Variants in TSHZ3 observed in about 807,000 individuals in gnomAD.
TSHZ3 encodes teashirt zinc finger homeobox 3.
Under a neutral mutation model 64.5 loss-of-function variants are expected in TSHZ3, and 10 were observed. The observed-to-expected ratio is 0.16, with a 90% CI of 0.10 to 0.26. The LOEUF is 0.26. Among genes scored for constraint, TSHZ3 ranks in the 10% least tolerant of loss-of-function variants. The pLI, the probability that TSHZ3 is intolerant of heterozygous loss-of-function variation, is 1.00. For synonymous variants in TSHZ3, 608 were observed against 593.1 expected (o/e 1.03, Z -0.36); for missense variants, 1,242 against 1,421.7 (o/e 0.87, Z 2.03).
chr19:31,326,167 A>C, intron 1 of TSHZ3, among the ~76,000 whole-genome samples: 1 of 152,370 alleles, frequency 6.6e-6, no homozygotes, highest in African/African-American at 2.4e-5. Flanking sequence ...TTCTCATTTA[A>C]AATATTTAAA....
chr19:31,159,523 C>T (rs1010505310), intron 5 of TSHZ3, among the ~76,000 whole-genome samples: 2 of 152,052 alleles, frequency 1.3e-5, no homozygotes, highest in African/African-American at 2.4e-5. Context: ...TGTCTCTTTC[C>T]ACCTTTTTAA....
chr19:31,247,242 G>A (rs1375865189), intron 1 of TSHZ3, among the ~76,000 whole-genome samples: 1 of 152,100 alleles, frequency 6.6e-6, no homozygotes, highest in Non-Finnish European at 1.5e-5. Context: ...TCTCCCATAA[G>A]ACGCTTACTT....
Position 31,276,378 on chromosome 19 carries a change from T to C in TSHZ3, c.*169A>G. On this transcript the variant is annotated 3_prime_UTR_variant, in exon 2 of 2. Coordinates refer to ENST00000240587, the MANE Select transcript of TSHZ3 (RefSeq NM_020856.4). ...TTTTACCAGTAACAACAGCTGATTA[T>C]GCACCTCTATTAAACACTGTACAGT... The C allele has an allele frequency of 1.8e-6, 1 of 546,984 alleles. No individual in the cohort carries two copies. The allele number at this position is 546,984 out of a possible 1,614,324, so 33.9% of individuals were successfully genotyped here.
chr19:31,234,030 T>A lies in TSHZ3; in HGVS notation n.551-5890A>T, dbSNP rs1458027621. ...CAAAGAACATCTTAACACTATCTAG[T>A]CTTCCCATCCACTAACAGGACATGT... On this transcript the variant is annotated intron_variant and non_coding_transcript_variant, in intron 3 of 6. Transcript: ENST00000651361. Among the ~76,000 whole-genome samples the A allele has an allele frequency of 3.3e-4, 50 of 152,122 alleles. 1 individual carries two copies. Among genetic ancestry groups the A allele is most frequent in the Admixed American group, 3.3e-3 (50 of 15,270 alleles).
chr19:31,232,325 G>A (rs1975552728), intron 3 of TSHZ3, among the ~76,000 whole-genome samples: 1 of 152,174 alleles, frequency 6.6e-6, no homozygotes, highest in Admixed American at 6.5e-5. Context: ...TTAAAGAGCA[G>A]AGGCCAACAA....
At chr19:31,313,427 T>C (rs1034242348) in intron 1 of TSHZ3, among the ~76,000 whole-genome samples, 1 of 152,194 alleles carries the variant, frequency 6.6e-6, no homozygotes, top group African/African-American at 2.4e-5. Context: ...GGAAGCCAAG[T>C]GTGCACCGCT....
At chr19:31,249,521 A>G (rs1975806714) in intron 1 of TSHZ3, among the ~76,000 whole-genome samples, 1 of 152,106 alleles carries the variant, frequency 6.6e-6, no homozygotes, top group South Asian at 2.1e-4. Context: ...GCGCGCCCGC[A>G]CACACACACA....
chr19:31,255,625 T>C lies in TSHZ3; in HGVS notation n.64-12750A>G, dbSNP rs367710093. On this transcript the variant is annotated intron_variant and non_coding_transcript_variant, in intron 1 of 6. Coordinates refer to the TSHZ3 transcript ENST00000651361. ...CAGCTGCTCCCCAAGCGGCTGTGTG[T>C]GGTTTTGGCCGGTGTCACAGTCACT... Among the ~76,000 whole-genome samples the C allele has an allele frequency of 1.6e-4, 25 of 152,230 alleles. No homozygotes were observed. In the East Asian group the frequency reaches 1.9e-3, roughly 12 times the overall value.
intron 1 of TSHZ3, among the ~76,000 whole-genome samples, chr19:31,264,619 T>G (rs543563741): frequency 6.6e-6 from 1 of 152,156 alleles, no homozygotes; most frequent in Admixed American, 6.5e-5. Context: ...CATGCAGGAA[T>G]GTGGCATCCG....
chr19:31,346,839 TGGA>T, intron 1 of TSHZ3, among the ~76,000 whole-genome samples: 1 of 150,360 alleles, frequency 6.7e-6, no homozygotes, highest in Admixed American at 6.6e-5. Flanking sequence ...AGCCTAAATG[TGGA>T]GTTTTTTTTT....
chr19:31,291,150 G>A (rs754213000), intron 1 of TSHZ3, among the ~76,000 whole-genome samples: 2 of 152,160 alleles, frequency 1.3e-5, no homozygotes, highest in Admixed American at 6.5e-5. Flanking sequence ...CCATGGCAAC[G>A]AGGCTTCCCA....
intron 1 of TSHZ3, among the ~76,000 whole-genome samples, chr19:31,310,853 A>C (rs965626679): frequency 6.6e-6 from 1 of 152,266 alleles, no homozygotes; most frequent in African/African-American, 2.4e-5. Flanking sequence ...GCAAGCATTC[A>C]GTAAAGAACA....
At chr19:31,333,689 G>C (rs1319781539) in intron 1 of TSHZ3, among the ~76,000 whole-genome samples, 3 of 152,056 alleles carry the variant, frequency 2.0e-5, no homozygotes, top group Non-Finnish European at 4.4e-5. Flanking sequence ...TTTACAGTGG[G>C]ATGCTTGTCC....
chr19:31,190,682 C>T (rs976670754), intron 5 of TSHZ3, among the ~76,000 whole-genome samples: 2 of 151,706 alleles, frequency 1.3e-5, no homozygotes, highest in South Asian at 2.1e-4. Context: ...AATATTTTAC[C>T]TTTATCCAGA....
chr19:31,258,232 G>T (rs1235771358), intron 1 of TSHZ3, among the ~76,000 whole-genome samples: 1 of 152,174 alleles, frequency 6.6e-6, no homozygotes, highest in African/African-American at 2.4e-5. Flanking sequence ...AAGGGTATAA[G>T]CTCCCTGGCT....
At chr19:31,330,887 A>G (rs1463454231) in intron 1 of TSHZ3, among the ~76,000 whole-genome samples, 1 of 152,040 alleles carries the variant, frequency 6.6e-6, no homozygotes, top group African/African-American at 2.4e-5. Context: ...CAGCATTGAC[A>G]TGCCCAAAAA....
chr19:31,303,890 G>T (rs1263776887), intron 1 of TSHZ3, among the ~76,000 whole-genome samples: 1 of 152,060 alleles, frequency 6.6e-6, no homozygotes, highest in Non-Finnish European at 1.5e-5. Flanking sequence ...ATCCTGACTA[G>T]GGCCAAGTGC....
At chr19:31,204,041 CA>C (rs1175403223) in intron 5 of TSHZ3, among the ~76,000 whole-genome samples, 1 of 152,062 alleles carries the variant, frequency 6.6e-6, no homozygotes, top group Non-Finnish European at 1.5e-5. Context: ...GAAGTGCAAG[CA>C]GGGGAAATGC....
At chr19:31,195,288 G>A (rs945141447) in intron 5 of TSHZ3, among the ~76,000 whole-genome samples, 1 of 151,868 alleles carries the variant, frequency 6.6e-6, no homozygotes, top group Non-Finnish European at 1.5e-5. Flanking sequence ...TTACACCTAG[G>A]CATATAATTC....
Sources: allele counts gnomAD v4.1 joint callset (sites outside exome capture counted in the v4.1 genomes callset), GRCh38; gene constraint gnomAD v4.1.1; transcripts MANE v1.5; gene names NCBI Gene and HGNC (gene_info 2026-07-23, HGNC 2026-07-21).